Variants in GRIK1 observed in about 807,000 individuals in gnomAD.
The protein encoded by GRIK1 is glutamate receptor ionotropic, kainate 1.
A neutral mutation model predicts 105.7 loss-of-function variants in GRIK1; 69 were observed. The ratio of observed to expected loss-of-function variants is 0.65; its 90% CI spans 0.54 to 0.80. GRIK1 has a LOEUF of 0.80. GRIK1 is among the 30% of genes least tolerant of loss of function. The pLI, the probability that GRIK1 is intolerant of heterozygous loss-of-function variation, is 0.00. For missense variants in GRIK1, 1,109 were observed against 1,167.3 expected (o/e 0.95, Z 0.73); for synonymous variants, 438 against 431.3 (o/e 1.02, Z -0.19).
chr21:29,736,469 T>C (rs1212756805), intron 1 of GRIK1, among the ~76,000 whole-genome samples: 1 of 152,144 alleles, frequency 6.6e-6, no homozygotes, highest in African/African-American at 2.4e-5. Flanking sequence ...CTTCAAGTGA[T>C]CCTTCCTCCT....
chr21:29,750,935 C>G lies in GRIK1; in HGVS notation c.119-56872G>C, dbSNP rs935632877. 5.3e-5 allele frequency among the ~76,000 whole-genome samples: 8 copies of G among 152,086 alleles called. No homozygotes were observed. In the East Asian group the frequency reaches 1.5e-3, roughly 29 times the overall value. The stretch of plus-strand genomic sequence containing the variant: ...GCGGACTGAGTCCGAAAAGAGTCAG[C>G]GAAGGGAGATAGGGGTGGGGCCGTT... On this transcript the variant is annotated intron_variant, in intron 1 of 17. Coordinates refer to ENST00000327783, the MANE Select transcript of GRIK1 (RefSeq NM_001330994.2).
chr21:29,742,235 C>G (rs891432135), intron 1 of GRIK1, among the ~76,000 whole-genome samples: 2 of 152,130 alleles, frequency 1.3e-5, no homozygotes, highest in Admixed American at 1.3e-4. Context: ...GAAAAAAAAG[C>G]ATTTCTGTCT....
chr21:29,716,639 G>A (rs2064185255), intron 1 of GRIK1, among the ~76,000 whole-genome samples: 1 of 152,164 alleles, frequency 6.6e-6, no homozygotes, highest in Non-Finnish European at 1.5e-5. Context: ...AGAGATCTAT[G>A]GAACTTTGAA....
intron 1 of GRIK1, among the ~76,000 whole-genome samples, chr21:29,813,366 T>C (rs923709014): frequency 6.6e-6 from 1 of 152,110 alleles, no homozygotes; most frequent in Non-Finnish European, 1.5e-5. Context: ...TTTTGTACTA[T>C]CAAAACCTAA....
chr21:29,844,518 T>C (rs1348995894), intron 1 of GRIK1, among the ~76,000 whole-genome samples: 2 of 152,206 alleles, frequency 1.3e-5, no homozygotes, highest in African/African-American at 4.8e-5. Context: ...ATTGTTGAAA[T>C]GTAAGTAAAT....
chr21:29,699,639 C>T (rs2063774835), intron 1 of GRIK1, among the ~76,000 whole-genome samples: 2 of 151,438 alleles, frequency 1.3e-5, no homozygotes, highest in African/African-American at 4.8e-5. Context: ...TAGACTAGTA[C>T]ATTTATCAGC....
intron 1 of GRIK1, among the ~76,000 whole-genome samples, chr21:29,745,973 G>A (rs1364139740): frequency 6.6e-6 from 1 of 151,992 alleles, no homozygotes; most frequent in Non-Finnish European, 1.5e-5. Flanking sequence ...GTGTGGTGGC[G>A]GGCGCCTGTA....
chr21:29,797,147 A>G (rs753613566), intron 1 of GRIK1, among the ~76,000 whole-genome samples: 3 of 152,142 alleles, frequency 2.0e-5, no homozygotes, highest in Non-Finnish European at 4.4e-5. Context: ...AAAAAAGAGG[A>G]ATGAAGCTCA....
Position 29,880,225 on chromosome 21 carries a change from G to C in GRIK1, c.118+59158C>G, listed in dbSNP as rs934931763. On this transcript the variant is annotated intron_variant, in intron 1 of 17. Transcript: ENST00000327783. ...ATATCCCTTAAGTATTGACAGGAAA[G>C]GTATATTTACCTTTTATTTGTCAGC... 2.0e-5 allele frequency among the ~76,000 whole-genome samples: 3 copies of C among 152,030 alleles called. 1 individual carries two copies. The highest frequency in any genetic ancestry group is 4.2e-4 in the South Asian group (2 of 4,818).
At chr21:29,893,777 A>G (rs1251196790) in intron 1 of GRIK1, among the ~76,000 whole-genome samples, 1 of 152,200 alleles carries the variant, frequency 6.6e-6, no homozygotes, top group African/African-American at 2.4e-5. Flanking sequence ...AACAACTACA[A>G]TTCAGTGTGA....
At chr21:29,574,426 A>AT (rs1303183619) in intron 14 of GRIK1, among the ~76,000 whole-genome samples, 2 of 152,096 alleles carry the variant, frequency 1.3e-5, no homozygotes, top group African/African-American at 4.8e-5. Flanking sequence ...CATTTCAGAT[A>AT]TTTTTTCAGA....
chr21:29,911,963 T>A (rs1361034233), intron 1 of GRIK1, among the ~76,000 whole-genome samples: 3 of 152,092 alleles, frequency 2.0e-5, no homozygotes, highest in Non-Finnish European at 4.4e-5. Flanking sequence ...TGAATGAATG[T>A]TCTTGCTCTT....
intron 1 of GRIK1, among the ~76,000 whole-genome samples, chr21:29,709,110 T>C (rs141155113): frequency 1.8e-4 from 28 of 152,242 alleles, no homozygotes; most frequent in African/African-American, 6.5e-4. Context: ...AATTTCTTAC[T>C]GATCTGTTAT....
At chr21:29,758,455 A>G (rs1374880273) in intron 1 of GRIK1, among the ~76,000 whole-genome samples, 2 of 152,308 alleles carry the variant, frequency 1.3e-5, no homozygotes, top group Middle Eastern at 3.4e-3. Context: ...GAGACTTACT[A>G]TCATGAGAAC....
intron 1 of GRIK1, among the ~76,000 whole-genome samples, chr21:29,774,268 ACAACTTCAACATATTATT>A (rs2065887347): frequency 1.3e-5 from 2 of 152,330 alleles, no homozygotes; most frequent in South Asian, 4.1e-4. Context: ...CCATATGAAT[ACAACTTCAACATATTATT>A]CAACAACTTA....
chr21:29,839,978 A>G (rs1468245328), intron 1 of GRIK1, among the ~76,000 whole-genome samples: 3 of 152,170 alleles, frequency 2.0e-5, no homozygotes, highest in Admixed American at 2.0e-4. Flanking sequence ...CTCAAAGAAG[A>G]CAGATTCTGA....
At chr21:29,715,949 TA>T (rs2064167182) in intron 1 of GRIK1, among the ~76,000 whole-genome samples, 1 of 152,040 alleles carries the variant, frequency 6.6e-6, no homozygotes, top group African/African-American at 2.4e-5. Context: ...GTAGTTCCCA[TA>T]ATCCCTATGT....
intron 1 of GRIK1, among the ~76,000 whole-genome samples, chr21:29,720,598 G>A (rs2064295289): frequency 6.6e-6 from 1 of 152,058 alleles, no homozygotes; most frequent in South Asian, 2.1e-4. Flanking sequence ...AAACTCCCAA[G>A]CAGCATCTGG....
chr21:29,656,385 A>AAAAAAAAC, intron 4 of GRIK1, among the ~76,000 whole-genome samples: 1 of 144,016 alleles, frequency 6.9e-6, no homozygotes, highest in Non-Finnish European at 1.5e-5. Flanking sequence ...AAAAAAAAAA[A>AAAAAAAAC]AAAAGAAATG....
Sources: allele counts gnomAD v4.1 joint callset (sites outside exome capture counted in the v4.1 genomes callset), GRCh38; gene constraint gnomAD v4.1.1; transcripts MANE v1.5; gene names NCBI Gene and HGNC (gene_info 2026-07-23, HGNC 2026-07-21).